Variants in GLRA2 observed in about 807,000 individuals in gnomAD.
GLRA2 encodes the protein glycine receptor subunit alpha-2.
In GLRA2, 11 loss-of-function variants were observed where a neutral mutation model predicts 31.6. The ratio of observed to expected loss-of-function variants is 0.35; its 90% confidence interval spans 0.22 to 0.58. The LOEUF is 0.58. GLRA2 is among the 20% of genes least tolerant of loss of function. GLRA2 has a pLI of 0.84. For missense variants in GLRA2, 212 were observed against 351.8 expected, an observed-to-expected ratio of 0.60 and a Z score of 3.18; for synonymous variants, 132 against 134.0, an observed-to-expected ratio of 0.99 and a Z score of 0.10.
the GLRA2 span, among the ~76,000 whole-genome samples, chrX:14,522,791 C>A: frequency 1.8e-5 from 2 of 111,719 alleles, no homozygotes; most frequent in East Asian, 2.8e-4. Context: ...TTTTTCAGAG[C>A]AGTAGGTCTC....
intron 2 of GLRA2, among the ~76,000 whole-genome samples, chrX:14,565,291 G>A (rs2089788346): frequency 1.8e-5 from 2 of 111,735 alleles, no homozygotes; most frequent in South Asian, 7.3e-4. Flanking sequence ...GATATTCCAT[G>A]AAATAGTAAC....
chrX:14,703,494 C>A (rs1295893872), intron 8 of GLRA2, among the ~76,000 whole-genome samples: 1 of 111,857 alleles, frequency 8.9e-6, no homozygotes, highest in African/African-American at 3.3e-5. Flanking sequence ...ATCTAGGGCC[C>A]TCTCCCCATC....
chrX:14,696,286 T>G (rs1384141200), intron 8 of GLRA2, among the ~76,000 whole-genome samples: 1 of 109,290 alleles, frequency 9.1e-6, no homozygotes, highest in Non-Finnish European at 1.9e-5. Context: ...GTTGCAGTGA[T>G]GAACCAGAAA....
intron 8 of GLRA2, among the ~76,000 whole-genome samples, chrX:14,696,411 A>G (rs112205493): frequency 4.4e-4 from 49 of 111,823 alleles, no homozygotes; most frequent in African/African-American, 1.3e-3. Flanking sequence ...TAAGGTTATG[A>G]TCATAAATAA....
intron 7 of GLRA2, among the ~76,000 whole-genome samples, chrX:14,664,148 T>A (rs2091017476): frequency 9.0e-6 from 1 of 111,552 alleles, no homozygotes; most frequent in African/African-American, 3.3e-5. Context: ...TCATTCTGAG[T>A]ATGTCTCTAG....
chrX:14,708,321 A>G (rs1353646904), intron 8 of GLRA2, among the ~76,000 whole-genome samples: 1 of 111,608 alleles, frequency 9.0e-6, no homozygotes, highest in Non-Finnish European at 1.9e-5. Context: ...CAGGCCAGGT[A>G]AACAAATTCA....
At chrX:14,448,837 T>TAGCG in the GLRA2 span, among the ~76,000 whole-genome samples, 1 of 110,094 alleles carries the variant, frequency 9.1e-6, no homozygotes. Flanking sequence ...CACTCGTGCC[T>TAGCG]AGAGAGAGAA....
chrX:14,577,041 C>T (rs2089965208), intron 3 of GLRA2, among the ~76,000 whole-genome samples: 1 of 112,857 alleles, frequency 8.9e-6, no homozygotes. Context: ...AAGAAATCCT[C>T]AGGCCACCGA....
the GLRA2 span, among the ~76,000 whole-genome samples, chrX:14,473,185 A>G: frequency 1.8e-5 from 2 of 111,641 alleles, no homozygotes; most frequent in Non-Finnish European, 3.8e-5. Context: ...TTCCTTCCCC[A>G]TGGGAACACA....
At chrX:14,511,777 C>T in the GLRA2 span, among the ~76,000 whole-genome samples, 1 of 111,741 alleles carries the variant, frequency 8.9e-6, no homozygotes, top group Non-Finnish European at 1.9e-5. Flanking sequence ...TAACAACTTA[C>T]ATTTATTGGA....
At chrX:14,617,514 C>G (rs1315715729) in intron 7 of GLRA2, among the ~76,000 whole-genome samples, 1 of 111,784 alleles carries the variant, frequency 8.9e-6, no homozygotes, top group African/African-American at 3.3e-5. Context: ...GTGACTTGTC[C>G]TGGTCAATGG....
chrX:14,454,180 C>CACCCA, the GLRA2 span, among the ~76,000 whole-genome samples: 1 of 68,817 alleles, frequency 1.5e-5, no homozygotes, highest in African/African-American at 4.7e-5. Context: ...ACACCCACAC[C>CACCCA]CACACACCCA....
At chrX:14,473,875 T>C in the GLRA2 span, among the ~76,000 whole-genome samples, 1 of 111,773 alleles carries the variant, frequency 8.9e-6, no homozygotes, top group Non-Finnish European at 1.9e-5. Context: ...CCCCTTCACA[T>C]TGGATGGTAT....
intron 7 of GLRA2, among the ~76,000 whole-genome samples, chrX:14,610,905 G>A (rs1049166047): frequency 6.2e-5 from 7 of 112,204 alleles, no homozygotes; most frequent in African/African-American, 2.3e-4. Context: ...TCACTGATCA[G>A]GGATCTTTGT....
At chrX:14,636,224 C>T (rs780751510) in intron 7 of GLRA2, among the ~76,000 whole-genome samples, 1 of 111,869 alleles carries the variant, frequency 8.9e-6, no homozygotes, top group Admixed American at 9.5e-5. Flanking sequence ...TAGAGCATAA[C>T]TCCCTATTAC....
At chrX:14,513,606 A>G in the GLRA2 span, among the ~76,000 whole-genome samples, 1 of 111,968 alleles carries the variant, frequency 8.9e-6, no homozygotes, top group Admixed American at 9.5e-5. Context: ...TGGGCTAAGA[A>G]CATGAATAGA....
chrX:14,463,832 A>C, the GLRA2 span, among the ~76,000 whole-genome samples: 1 of 111,798 alleles, frequency 8.9e-6, no homozygotes, highest in Non-Finnish European at 1.9e-5. Context: ...CTTCCCGGTG[A>C]GGCAATGCCC....
intron 7 of GLRA2, among the ~76,000 whole-genome samples, chrX:14,610,458 C>A (rs1471467507): frequency 8.9e-6 from 1 of 111,961 alleles, no homozygotes; most frequent in Non-Finnish European, 1.9e-5. Context: ...TCTAGAATAA[C>A]AAATAGTATA....
At chrX:14,704,682 C>T (rs1163624904) in intron 8 of GLRA2, among the ~76,000 whole-genome samples, 1 of 111,706 alleles carries the variant, frequency 9.0e-6, no homozygotes, top group Non-Finnish European at 1.9e-5. Context: ...TGGCTCTGTG[C>T]AGGAGTGGGT....
Sources: allele counts gnomAD v4.1 joint callset (sites outside exome capture counted in the v4.1 genomes callset), GRCh38; gene constraint gnomAD v4.1.1; transcripts MANE v1.5; gene names NCBI Gene and HGNC (gene_info 2026-07-23, HGNC 2026-07-21).